The following CDK6 variants were observed in gnomAD, a reference collection of about 807,000 sequenced individuals.
CDK6 encodes the protein cyclin dependent kinase 6.
A neutral mutation model predicts 37.1 loss-of-function variants in CDK6; 6 were observed. That is an observed-to-expected ratio of 0.16 (90% CI 0.09 to 0.32). The LOEUF is 0.32. Ranked by LOEUF, CDK6 falls within the 10% of genes least tolerant of loss-of-function variation. The pLI is 1.00. For missense variants in CDK6, 224 were observed against 418.9 expected (o/e 0.53, Z 4.06); for synonymous variants, 160 against 161.3 (o/e 0.99, Z 0.06).
intron 4 of CDK6, among the ~76,000 whole-genome samples, chr7:92,683,710 G>GGT (rs149414755): frequency 1.9e-5 from 2 of 103,620 alleles, no homozygotes; most frequent in Non-Finnish European, 1.9e-5. Context: ...GGACTGTGGT[G>GGT]GGGGGGGGGT....
At chr7:92,744,838 A>G (rs1562953487) in intron 3 of CDK6, among the ~76,000 whole-genome samples, 1 of 152,204 alleles carries the variant, frequency 6.6e-6, no homozygotes, top group Non-Finnish European at 1.5e-5. Context: ...GTTTGTAAGT[A>G]AGACAAAAAG....
chr7:92,745,113 C>T (rs1047663915), intron 3 of CDK6, among the ~76,000 whole-genome samples: 1 of 152,076 alleles, frequency 6.6e-6, no homozygotes, highest in African/African-American at 2.4e-5. Flanking sequence ...CTAAAAAAGA[C>T]AAATGACTGT....
At chr7:92,715,963 T>C (rs1798221290) in intron 4 of CDK6, among the ~76,000 whole-genome samples, 1 of 152,176 alleles carries the variant, frequency 6.6e-6, no homozygotes, top group African/African-American at 2.4e-5. Flanking sequence ...AGGTTTGTGA[T>C]CTCAAATAAA....
chr7:92,783,360 A>G (rs1800043550), intron 2 of CDK6, among the ~76,000 whole-genome samples: 1 of 152,246 alleles, frequency 6.6e-6, no homozygotes, highest in Admixed American at 6.5e-5. Context: ...CTGTTGCTGA[A>G]AAGTGGAAAA....
At chr7:92,615,308 T>C (rs1394748706) in intron 7 of CDK6, 22 bp from the exon 8 acceptor site, 4 of 1,575,810 alleles carry the variant, frequency 2.5e-6, no homozygotes, top group East Asian at 2.2e-5. Context: ...AAAAAAATAA[T>C]TGGTTGATAT....
intron 4 of CDK6, among the ~76,000 whole-genome samples, chr7:92,713,667 TAAAAA>T (rs535072218): frequency 3.0e-5 from 2 of 67,218 alleles, no homozygotes; most frequent in African/African-American, 1.0e-4. Flanking sequence ...TTAAAAAAAG[TAAAAA>T]AAAAAAAAAA....
At chr7:92,667,247 G>A (rs1249896396) in intron 5 of CDK6, among the ~76,000 whole-genome samples, 3 of 152,196 alleles carry the variant, frequency 2.0e-5, no homozygotes, top group Non-Finnish European at 4.4e-5. Context: ...ATCTAGGCTA[G>A]GGTGTAGTGG....
chr7:92,731,272 C>G (rs1798642517), intron 3 of CDK6, among the ~76,000 whole-genome samples: 2 of 152,138 alleles, frequency 1.3e-5, no homozygotes, highest in Non-Finnish European at 2.9e-5. Flanking sequence ...TCAGGAGGAC[C>G]CAAAGAATGC....
intron 2 of CDK6, among the ~76,000 whole-genome samples, chr7:92,783,875 C>A (rs1800057784): frequency 1.3e-5 from 2 of 152,150 alleles, no homozygotes; most frequent in South Asian, 4.1e-4. Context: ...GTACCCCTCT[C>A]CTCATTCCAG....
At chr7:92,748,442 T>C (rs549583826) in intron 3 of CDK6, among the ~76,000 whole-genome samples, 1 of 152,310 alleles carries the variant, frequency 6.6e-6, no homozygotes, top group East Asian at 1.9e-4. Flanking sequence ...AGTTCTATGA[T>C]CAGTTGAAAA....
intron 4 of CDK6, among the ~76,000 whole-genome samples, chr7:92,702,302 G>A (rs1358033770): frequency 9.0e-5 from 11 of 121,616 alleles, no homozygotes; most frequent in African/African-American, 3.5e-4. Flanking sequence ...GCATGATCTC[G>A]GCTCACTTCA....
chr7:92,674,200 C>T (rs1585388879), intron 4 of CDK6, among the ~76,000 whole-genome samples: 1 of 151,442 alleles, frequency 6.6e-6, no homozygotes, highest in South Asian at 2.1e-4. Context: ...TTGTTTATAT[C>T]ATTTTCCTAG....
At chr7:92,829,437 T>A (rs930089346) in intron 2 of CDK6, among the ~76,000 whole-genome samples, 2 of 152,216 alleles carry the variant, frequency 1.3e-5, no homozygotes, top group Non-Finnish European at 2.9e-5. Flanking sequence ...GGCTTGTATC[T>A]TTCTTACAGC....
chr7:92,725,914 G>A, intron 3 of CDK6, 121 bp from the exon 4 acceptor site: 1 of 779,176 alleles, frequency 1.3e-6, no homozygotes, highest in Non-Finnish European at 2.0e-6. Flanking sequence ...CATTTGACAG[G>A]TATTGGCTGA....
intron 4 of CDK6, among the ~76,000 whole-genome samples, chr7:92,714,576 C>T (rs1255059127): frequency 1.3e-5 from 2 of 152,138 alleles, no homozygotes; most frequent in Non-Finnish European, 2.9e-5. Context: ...GTTCCCACAG[C>T]TCCCTTCTAC....
At chr7:92,785,230 C>T (rs556786780) in intron 2 of CDK6, among the ~76,000 whole-genome samples, 4 of 152,246 alleles carry the variant, frequency 2.6e-5, no homozygotes, top group African/African-American at 9.6e-5. Context: ...CAAATACATG[C>T]TATGACATGG....
At chr7:92,669,575 G>A (rs911323866) in intron 5 of CDK6, among the ~76,000 whole-genome samples, 6 of 152,190 alleles carry the variant, frequency 3.9e-5, no homozygotes, top group African/African-American at 1.4e-4. Flanking sequence ...AGTTATTCCT[G>A]CGATGAAGTA....
chr7:92,662,424 C>T (rs1160967317), intron 5 of CDK6, among the ~76,000 whole-genome samples: 1 of 152,072 alleles, frequency 6.6e-6, no homozygotes, highest in African/African-American at 2.4e-5. Flanking sequence ...GGGGAGGAAA[C>T]ATGCCCACCA....
chr7:92,671,622 T>C, intron 4 of CDK6, 87 bp from the exon 5 acceptor site: 2 of 652,706 alleles, frequency 3.1e-6, no homozygotes, highest in Admixed American at 6.5e-5. Context: ...AATGACAAGA[T>C]GTAGTTCAGA....
Sources: allele counts gnomAD v4.1 joint callset (sites outside exome capture counted in the v4.1 genomes callset), GRCh38; gene constraint gnomAD v4.1.1; transcripts MANE v1.5; gene names NCBI Gene and HGNC (gene_info 2026-07-23, HGNC 2026-07-21).